ANKFN1: variants seen among roughly 807,000 people sequenced by gnomAD.
ANKFN1 encodes the protein ankyrin repeat and fibronectin type III domain containing 1.
In ANKFN1, 74 loss-of-function variants were observed where a neutral mutation model predicts 108.7. The observed-to-expected ratio is 0.68, with a 90% CI of 0.56 to 0.83. The LOEUF (loss-of-function observed/expected upper bound fraction) is 0.83, where lower values mean the gene tolerates loss of function less well. Ranked by LOEUF, ANKFN1 falls within the 40% of genes least tolerant of loss-of-function variation. ANKFN1 has a pLI of 0.00. For missense variants in ANKFN1, 1,505 were observed against 1,382.3 expected (o/e 1.09, Z -1.41); for synonymous variants, 547 against 516.2 (o/e 1.06, Z -0.81).
intron 4 of ANKFN1, among the ~76,000 whole-genome samples, chr17:56,111,925 G>A (rs1905987576): frequency 6.6e-6 from 1 of 152,184 alleles, no homozygotes; most frequent in Non-Finnish European, 1.5e-5. Context: ...GGACAAAAAT[G>A]GTAATCTGAG....
intron 15 of ANKFN1, among the ~76,000 whole-genome samples, chr17:56,468,329 A>G (rs1205878201): frequency 6.6e-6 from 1 of 152,140 alleles, no homozygotes; most frequent in African/African-American, 2.4e-5. Flanking sequence ...GAATTGGGAC[A>G]CCAACCCATG....
Position 56,510,577 on chromosome 17 carries a change from G to A in ANKFN1, c.2749G>A (p.Val917Ile). Residue 917 changes from valine (V) to isoleucine (I), a missense_variant, in exon 21 of 21, where the codon GTC becomes ATC. Coordinates refer to ENST00000682825, the MANE Select transcript of ANKFN1 (RefSeq NM_001370326.1). ...DALSPRDLDL[V>I]YLSSHDIAQQ... ...CCTGAGCCCCAGAGACCTGGACCTGGTCTACCTATCATCTCACGACATTGC... is the reference window on the plus strand; with the variant it reads ...CCTGAGCCCCAGAGACCTGGACCTGATCTACCTATCATCTCACGACATTGC... The A allele has an allele frequency of 6.5e-7, 1 of 1,536,184 alleles. No individual in the cohort carries two copies. Among genetic ancestry groups the A allele is most frequent in the Non-Finnish European group, 8.7e-7 (1 of 1,146,910 alleles).
intron 10 of ANKFN1, among the ~76,000 whole-genome samples, chr17:56,448,349 A>G (rs978923100): frequency 3.3e-5 from 5 of 152,156 alleles, no homozygotes; most frequent in East Asian, 1.9e-4. Flanking sequence ...CATATGGGTT[A>G]TTACTCTTGA....
chr17:56,265,420 C>G (rs1052337142), intron 3 of ANKFN1, among the ~76,000 whole-genome samples: 7 of 152,144 alleles, frequency 4.6e-5, no homozygotes, highest in Admixed American at 1.3e-4. Context: ...GGAAACCATC[C>G]CCATGATCCA....
At chr17:56,270,893 C>T (rs896851957) in intron 3 of ANKFN1, among the ~76,000 whole-genome samples, 2 of 152,186 alleles carry the variant, frequency 1.3e-5, no homozygotes, top group South Asian at 2.1e-4. Context: ...CCTTATCACT[C>T]CAGCTATAGT....
chr17:56,434,758 G>T lies in ANKFN1; in HGVS notation c.911-5569G>T, dbSNP rs563720825. Among the ~76,000 whole-genome samples the T allele has an allele frequency of 3.4e-5, 5 of 147,740 alleles. No homozygotes were observed. The South Asian group carries it at 1.1e-3, about 33-fold the overall frequency. ...TCTAGAAATGACTGTATTTGATCTCGGTCTGGGTTTCTCGGCACGTCCTTC... is the reference window on the plus strand; with the variant it reads ...TCTAGAAATGACTGTATTTGATCTCTGTCTGGGTTTCTCGGCACGTCCTTC... On this transcript the variant is annotated intron_variant, in intron 8 of 20. Transcript: ENST00000682825.
At chr17:56,250,650 G>A (rs1344660480) in intron 3 of ANKFN1, among the ~76,000 whole-genome samples, 14 of 152,206 alleles carry the variant, frequency 9.2e-5, no homozygotes, top group Non-Finnish European at 1.9e-4. Context: ...ACCCTCAAGA[G>A]TTAATTGCCT....
chr17:56,428,186 A>G (rs1029365124), intron 8 of ANKFN1, among the ~76,000 whole-genome samples: 4 of 151,724 alleles, frequency 2.6e-5, no homozygotes, highest in African/African-American at 9.7e-5. Context: ...GTGAGCTGAG[A>G]TCGCACCACT....
At chr17:56,493,310 T>G (rs1229609805) in intron 19 of ANKFN1, among the ~76,000 whole-genome samples, 1 of 152,110 alleles carries the variant, frequency 6.6e-6, no homozygotes, top group Non-Finnish European at 1.5e-5. Flanking sequence ...AAGTAAAAAT[T>G]TACTTTCACT....
chr17:56,476,508 A>G (rs1295466331), intron 15 of ANKFN1, among the ~76,000 whole-genome samples: 1 of 152,252 alleles, frequency 6.6e-6, no homozygotes, highest in Non-Finnish European at 1.5e-5. Context: ...ATGTGACAAT[A>G]TAATGCAAAT....
At chr17:56,096,614 G>C (rs997144008) in intron 4 of ANKFN1, among the ~76,000 whole-genome samples, 1 of 152,196 alleles carries the variant, frequency 6.6e-6, no homozygotes, top group South Asian at 2.1e-4. Context: ...CCACAAAAAT[G>C]CTGGCGAGGT....
In ANKFN1 at chr17:56,516,699, A is replaced by G. The variant is rs1296841145; in HGVS notation, c.*5430A>G. On this transcript the variant is annotated 3_prime_UTR_variant, in exon 21 of 21. Transcript: ENST00000682825. Reference sequence around the variant, plus strand: ...CCTCTTCAACCTACCAATTTATAAGAGGTCAGGGATAAATGAGAATTAAGT... The same window carrying G: ...CCTCTTCAACCTACCAATTTATAAGGGGTCAGGGATAAATGAGAATTAAGT... Among the ~76,000 whole-genome samples the G allele has an allele frequency of 1.3e-5, 2 of 152,210 alleles. No individual in the cohort carries two copies. Among genetic ancestry groups the G allele is most frequent in the African/African-American group, 4.8e-5 (2 of 41,452 alleles).
At chr17:56,350,245 T>C (rs2046210987) in intron 4 of ANKFN1, among the ~76,000 whole-genome samples, 1 of 152,150 alleles carries the variant, frequency 6.6e-6, no homozygotes. Flanking sequence ...AGAGGACAGA[T>C]GCAAGTTAAC....
At chr17:56,300,121 C>T (rs1280802857) in intron 3 of ANKFN1, among the ~76,000 whole-genome samples, 4 of 152,132 alleles carry the variant, frequency 2.6e-5, no homozygotes, top group Admixed American at 1.3e-4. Context: ...TGAATTATAA[C>T]GCTGATCTCT....
intron 8 of ANKFN1, 59 bp from the exon 9 acceptor site, chr17:56,440,268 G>A (rs2049056020): frequency 9.3e-7 from 1 of 1,074,802 alleles, no homozygotes; most frequent in East Asian, 2.4e-5. Context: ...ACTTCTTGAT[G>A]TGTGACTGAA....
intron 4 of ANKFN1, among the ~76,000 whole-genome samples, chr17:56,057,932 T>C (rs1188433483): frequency 6.6e-6 from 1 of 152,218 alleles, no homozygotes; most frequent in Admixed American, 6.5e-5. Context: ...AGTAACTAGA[T>C]GCATTGTCAA....
At chr17:56,416,849 T>C (rs1302585874) in intron 8 of ANKFN1, among the ~76,000 whole-genome samples, 1 of 152,182 alleles carries the variant, frequency 6.6e-6, no homozygotes, top group Non-Finnish European at 1.5e-5. Flanking sequence ...ATGTGGCACA[T>C]TTACACAGTG....
chr17:56,386,961 C>T (rs963171303), intron 8 of ANKFN1, among the ~76,000 whole-genome samples: 2 of 151,978 alleles, frequency 1.3e-5, no homozygotes, highest in Non-Finnish European at 2.9e-5. Context: ...ATCTGGATTA[C>T]GATTACTGAT....
At chr17:56,495,546 T>A (rs1208187448) in intron 19 of ANKFN1, among the ~76,000 whole-genome samples, 1 of 151,998 alleles carries the variant, frequency 6.6e-6, no homozygotes, top group Non-Finnish European at 1.5e-5. Flanking sequence ...TAAATACAGT[T>A]AGGAAAAGAA....
Sources: allele counts gnomAD v4.1 joint callset (sites outside exome capture counted in the v4.1 genomes callset), GRCh38; gene constraint gnomAD v4.1.1; transcripts MANE v1.5; gene names NCBI Gene and HGNC (gene_info 2026-07-23, HGNC 2026-07-21).